RIPK2: variants seen among roughly 807,000 people sequenced by gnomAD.
The protein encoded by RIPK2 is receptor interacting serine/threonine kinase 2.
In RIPK2, 38 loss-of-function variants were observed where a neutral mutation model predicts 60.9. The observed-to-expected ratio is 0.62, with a 90% CI of 0.48 to 0.82. RIPK2 has a LOEUF of 0.82. Ranked by LOEUF, RIPK2 falls within the 40% of genes least tolerant of loss-of-function variation. RIPK2 has a pLI of 0.00. For missense variants in RIPK2, 518 were observed against 647.0 expected (o/e 0.80, Z 2.16); for synonymous variants, 225 against 223.4 (o/e 1.01, Z -0.06).
At chr8:89,773,786 T>C (rs755626658) in intron 6 of RIPK2, among the ~76,000 whole-genome samples, 11 of 152,154 alleles carry the variant, frequency 7.2e-5, no homozygotes, top group Non-Finnish European at 1.3e-4. Context: ...AATGTAAATG[T>C]AGGAGAAAAT....
intron 6 of RIPK2, among the ~76,000 whole-genome samples, chr8:89,779,310 G>GGT (rs1586128992): frequency 2.5e-4 from 20 of 79,094 alleles, no homozygotes; most frequent in East Asian, 8.5e-4. Context: ...CGGTTTTTGG[G>GGT]TTTTTTTTTT....
chr8:89,786,958 G>C (rs1184391502), intron 9 of RIPK2, among the ~76,000 whole-genome samples: 1 of 151,942 alleles, frequency 6.6e-6, no homozygotes, highest in Non-Finnish European at 1.5e-5. Context: ...CTGAGGTCAG[G>C]AGTTCGAGAC....
intron 7 of RIPK2, among the ~76,000 whole-genome samples, chr8:89,781,703 T>C (rs1247248461): frequency 3.3e-5 from 5 of 152,188 alleles, no homozygotes; most frequent in Non-Finnish European, 7.3e-5. Context: ...TCCAAGACCC[T>C]GGTCAATGCC....
At chr8:89,781,354 ATTTTTTTTT>A (rs58525879) in intron 7 of RIPK2, among the ~76,000 whole-genome samples, 60,762 of 144,044 alleles carry the variant, frequency 0.42, 12,727 homozygotes, top group Non-Finnish European at 0.48. Flanking sequence ...AATAGATTGA[ATTTTTTTTT>A]TTTTTTTTTT....
In RIPK2 at chr8:89,761,075, T is replaced by A. The variant is rs985321200; in HGVS notation, c.174-1754T>A. ...AGAAGCTTTTCACTTTATGCCTTCT[T>A]GTTACTCTTGAATTTTAAGACATAT... On this transcript the variant is annotated intron_variant, in intron 1 of 10. Coordinates refer to ENST00000220751, the MANE Select transcript of RIPK2 (RefSeq NM_003821.6). 2.0e-5 allele frequency among the ~76,000 whole-genome samples: 3 copies of A among 152,210 alleles called. No individual in the cohort carries two copies. The South Asian group carries it at 6.2e-4, about 31-fold the overall frequency.
At chr8:89,772,545 G>A (rs1563613455) in intron 5 of RIPK2, 122 bp from the exon 6 acceptor site, 1 of 655,734 alleles carries the variant, frequency 1.5e-6, no homozygotes, top group Non-Finnish European at 2.5e-6. Context: ...TACAGAAAGG[G>A]GGGTAAGGCA....
rs201886485 is a variant in RIPK2 at position 89,790,038 on chromosome 8, G to T, written c.1286-41G>T. 5.3e-5 allele frequency: 75 copies of T among 1,427,580 alleles called. No individual in the cohort carries two copies. In the South Asian group the frequency reaches 9.0e-4, roughly 17 times the overall value. 88.4% of individuals were successfully genotyped at this position (1,427,580 alleles called of 1,614,324 possible). A position where few individuals can be genotyped will look rare whatever the true frequency, so the allele number is the denominator to read the frequency against. ...GAATTTTACTTATTGCTATGTATCT[G>T]TCCTCACCTTTTAAATTATTCATTC... On this transcript the variant is annotated intron_variant, in intron 10 of 10. Transcript: ENST00000220751.
intron 8 of RIPK2, among the ~76,000 whole-genome samples, chr8:89,785,460 T>TTTCA (rs1218956664): frequency 6.6e-6 from 1 of 152,126 alleles, no homozygotes; most frequent in African/African-American, 2.4e-5. Context: ...AAAAACTTTG[T>TTTCA]TTCAGGTATA....
In RIPK2 at chr8:89,758,165, C is replaced by T. The variant is rs200258974; in HGVS notation, c.105C>T (p.Ala35=). 87 of 1,609,208 alleles carry T rather than the reference C, an allele frequency of 5.4e-5. No individual in the cohort carries two copies. Among genetic ancestry groups the T allele is most frequent in the Non-Finnish European group, 6.9e-5 (81 of 1,178,498 alleles). Reference sequence around the variant, plus strand: ...GCGCCTCTGGCACTGTGTCGTCCGCCCGCCACGCAGACTGGCGCGTCCAGG... The same window carrying T: ...GCGCCTCTGGCACTGTGTCGTCCGCTCGCCACGCAGACTGGCGCGTCCAGG... ...SRGASGTVSS[A]RHADWRVQVA... is the part of the protein sequence containing the mutation. The change falls in exon 1 of 11, where the codon GCC becomes GCT. Residue 35 remains alanine (A), a synonymous_variant. Transcript: ENST00000220751.
At chr8:89,769,970 A>G in intron 4 of RIPK2, 41 bp downstream of exon 4, 1 of 1,467,402 alleles carries the variant, frequency 6.8e-7, no homozygotes, top group Non-Finnish European at 9.1e-7. Context: ...ACCTTGTCTC[A>G]GACACAAAAT....
intron 2 of RIPK2, among the ~76,000 whole-genome samples, chr8:89,763,488 C>T (rs948008700): frequency 1.3e-5 from 2 of 152,116 alleles, no homozygotes; most frequent in Non-Finnish European, 2.9e-5. Flanking sequence ...AGGTACCAGT[C>T]ACTCTCTCTT....
At chr8:89,780,051 C>T in intron 6 of RIPK2, 24 bp from the exon 7 acceptor site, 1 of 1,175,028 alleles carries the variant, frequency 8.5e-7, no homozygotes, top group South Asian at 1.4e-5. Flanking sequence ...CTGAACTCAA[C>T]CTGTATTTTT....
chr8:89,785,762 T>C (rs1809577336), intron 8 of RIPK2, among the ~76,000 whole-genome samples: 1 of 152,232 alleles, frequency 6.6e-6, no homozygotes. Flanking sequence ...TTTGAGGCCA[T>C]TCATGCATAT....
At chr8:89,758,915 T>C (rs570644897) in intron 1 of RIPK2, among the ~76,000 whole-genome samples, 1 of 152,348 alleles carries the variant, frequency 6.6e-6, no homozygotes, top group African/African-American at 2.4e-5. Flanking sequence ...AAATTTTAAA[T>C]TGTATGTGGT....
chr8:89,784,588 A>T (rs1008597595), intron 8 of RIPK2, among the ~76,000 whole-genome samples: 1 of 152,312 alleles, frequency 6.6e-6, no homozygotes, highest in South Asian at 2.1e-4. Flanking sequence ...TTCTTTTAAG[A>T]ATGTATATGT....
intron 7 of RIPK2, chr8:89,780,396 G>A: frequency 3.9e-6 from 1 of 255,630 alleles, no homozygotes; most frequent in Non-Finnish European, 7.4e-6. Flanking sequence ...CCAGGACCAG[G>A]CGTGGTGACT....
intron 1 of RIPK2, among the ~76,000 whole-genome samples, chr8:89,760,509 A>AT (rs1220124001): frequency 2.6e-5 from 4 of 152,188 alleles, no homozygotes; most frequent in African/African-American, 4.8e-5. Context: ...TTTAAAAAAA[A>AT]TTTCCCACTC....
chr8:89,790,363 C>G lies in RIPK2; in HGVS notation c.1570C>G (p.Leu524Val). Residue 524 changes from leucine to valine, a missense_variant, in exon 11 of 11, where the codon CTT (leucine) becomes GTT (valine). Transcript: ENST00000220751. ...QMGLQPYPEILVVSRSPSLNL... is the reference protein window; with the variant it reads ...QMGLQPYPEIVVVSRSPSLNL... ...GGGTCTTCAGCCTTACCCGGAAATA[C>G]TTGTGGTTTCTAGATCACCATCTTT... is the stretch of plus-strand genomic sequence containing the variant. 1 of 1,611,188 alleles carries G rather than the reference C, an allele frequency of 6.2e-7. No individual in the cohort carries two copies. Among genetic ancestry groups the G allele is most frequent in the Non-Finnish European group, 8.5e-7 (1 of 1,178,924 alleles).
At chr8:89,758,784 TTATAA>T (rs1219457928) in intron 1 of RIPK2, among the ~76,000 whole-genome samples, 1 of 152,212 alleles carries the variant, frequency 6.6e-6, no homozygotes, top group East Asian at 1.9e-4. Context: ...AAAAAAGAAC[TTATAA>T]TATTTTATTA....
Sources: allele counts gnomAD v4.1 joint callset (sites outside exome capture counted in the v4.1 genomes callset), GRCh38; gene constraint gnomAD v4.1.1; transcripts MANE v1.5; gene names NCBI Gene and HGNC (gene_info 2026-07-23, HGNC 2026-07-21).